The following NKAIN3 variants were observed in gnomAD, a reference collection of about 807,000 sequenced individuals.
The protein encoded by NKAIN3 is sodium/potassium-transporting ATPase subunit beta-1-interacting protein 3.
Under a neutral mutation model 30.2 loss-of-function variants are expected in NKAIN3, and 25 were observed. That is an observed-to-expected ratio of 0.83 (90% CI 0.60 to 1.16). The LOEUF is 1.16. Among genes scored for constraint, NKAIN3 ranks in the 50% most tolerant of loss-of-function variants. The pLI, the probability that NKAIN3 is intolerant of heterozygous loss-of-function variation, is 0.00. For synonymous variants in NKAIN3, 91 were observed against 89.6 expected, an observed-to-expected ratio of 1.02 and a Z score of -0.09; for missense variants, 225 against 254.1, an observed-to-expected ratio of 0.89 and a Z score of 0.78.
chr8:62,388,335 T>C (rs1409990498), intron 1 of NKAIN3, among the ~76,000 whole-genome samples: 1 of 152,248 alleles, frequency 6.6e-6, no homozygotes, highest in East Asian at 1.9e-4. Context: ...CTTGTCTTTG[T>C]TCATCTAAAA....
At chr8:62,491,159 C>T (rs1398810214) in intron 1 of NKAIN3, among the ~76,000 whole-genome samples, 3 of 152,146 alleles carry the variant, frequency 2.0e-5, no homozygotes, top group African/African-American at 7.2e-5. Flanking sequence ...ATCAAACTTC[C>T]CAAGTTGTGT....
chr8:62,408,101 G>C (rs1804130946), intron 1 of NKAIN3, among the ~76,000 whole-genome samples: 1 of 152,072 alleles, frequency 6.6e-6, no homozygotes, highest in African/African-American at 2.4e-5. Flanking sequence ...TTACCCATCT[G>C]CTTCATTTAT....
intron 1 of NKAIN3, among the ~76,000 whole-genome samples, chr8:62,510,793 CA>C (rs1366276658): frequency 6.6e-6 from 1 of 152,060 alleles, no homozygotes; most frequent in African/African-American, 2.4e-5. Flanking sequence ...TGGTAAATCC[CA>C]TGGTCAGCTT....
chr8:62,940,387 GA>G (rs1822918612), intron 5 of NKAIN3, among the ~76,000 whole-genome samples: 1 of 152,000 alleles, frequency 6.6e-6, no homozygotes, highest in Non-Finnish European at 1.5e-5. Flanking sequence ...AAGAAACAAT[GA>G]ACTTAAACTA....
intron 3 of NKAIN3, among the ~76,000 whole-genome samples, chr8:62,640,906 T>C (rs2130299013): frequency 6.6e-6 from 1 of 152,262 alleles, no homozygotes; most frequent in South Asian, 2.1e-4. Context: ...TATTCAGTCA[T>C]GTTTTTGTGT....
intron 1 of NKAIN3, among the ~76,000 whole-genome samples, chr8:62,287,955 G>A (rs1813434934): frequency 6.6e-6 from 1 of 152,146 alleles, no homozygotes; most frequent in Non-Finnish European, 1.5e-5. Flanking sequence ...GCACTTCCTA[G>A]TTTCCACGTG....
At chr8:62,472,263 AG>A (rs1806377893) in intron 1 of NKAIN3, among the ~76,000 whole-genome samples, 1 of 152,130 alleles carries the variant, frequency 6.6e-6, no homozygotes, top group Non-Finnish European at 1.5e-5. Flanking sequence ...AATCAGGAAT[AG>A]GCTACAAGGA....
chr8:62,907,021 T>A (rs1821796969), intron 4 of NKAIN3, among the ~76,000 whole-genome samples: 2 of 152,210 alleles, frequency 1.3e-5, no homozygotes, highest in South Asian at 4.1e-4. Context: ...CCTAGAGACT[T>A]ATTGAATAAC....
chr8:62,961,749 C>T (rs1345706406), intron 6 of NKAIN3, among the ~76,000 whole-genome samples: 1 of 152,026 alleles, frequency 6.6e-6, no homozygotes, highest in Non-Finnish European at 1.5e-5. Flanking sequence ...TCAGTACTAA[C>T]AGACTCACAT....
Position 62,311,675 on chromosome 8 carries a change from G to A in NKAIN3, c.54+62548G>A, listed in dbSNP as rs143215884. Among the ~76,000 whole-genome samples the A allele has an allele frequency of 1.6e-3, 248 of 150,480 alleles. 23 individuals are homozygous for A. Among genetic ancestry groups the A allele is most frequent in the African/African-American group, 5.9e-3 (236 of 39,904 alleles). ...CTTGGTGCCAATGAGCTTTTAAGCC[G>A]AGTGGTTTTCATCTCCACATGGACG... On this transcript the variant is annotated intron_variant, in intron 1 of 6. Coordinates refer to ENST00000623646, the MANE Select transcript of NKAIN3 (RefSeq NM_001304533.3).
rs58229566 is a variant in NKAIN3, at chr8:62,976,039, TCTGAGAGA to T, written c.*10636_*10643del. Among the ~76,000 whole-genome samples, 16,108 of 152,184 alleles carry T rather than the reference TCTGAGAGA, an allele frequency of 0.11. 863 individuals are homozygous for T. The highest frequency in any genetic ancestry group is 0.17 in the South Asian group (821 of 4,828). Reference sequence around the variant, plus strand: ...GAGTTCTAACTTGATTGCACTGTGGTCTGAGAGACTGTTTGTTATGGTTTTCATTCTTT... The same window carrying T: ...GAGTTCTAACTTGATTGCACTGTGGTCTGTTTGTTATGGTTTTCATTCTTT... On this transcript the variant is annotated 3_prime_UTR_variant, in exon 7 of 7. Transcript: ENST00000623646.
At chr8:62,418,647 A>G (rs915772834) in intron 1 of NKAIN3, among the ~76,000 whole-genome samples, 1 of 152,100 alleles carries the variant, frequency 6.6e-6, no homozygotes, top group Non-Finnish European at 1.5e-5. Context: ...AGAGTTGTCT[A>G]AAGTATTACA....
rs1824120438 is a variant in NKAIN3, at chr8:62,983,036, G to C, written c.*17629G>C. On this transcript the variant is annotated 3_prime_UTR_variant, in exon 7 of 7. Coordinates refer to ENST00000623646, the MANE Select transcript of NKAIN3 (RefSeq NM_001304533.3). Reference sequence around the variant, plus strand: ...AATACCCACAAGATACTACTGACTTGGAAGTTTCACTGCAGGTAGCTACCA... The same window carrying C: ...AATACCCACAAGATACTACTGACTTCGAAGTTTCACTGCAGGTAGCTACCA... The C allele has an allele frequency of 6.6e-6, 1 of 152,056 alleles. No individual in the cohort carries two copies. Among genetic ancestry groups the C allele is most frequent in the Non-Finnish European group, 1.5e-5 (1 of 68,016 alleles). The allele number at this position is 152,056 out of a possible 1,614,324, so 9.4% of individuals were successfully genotyped here.
At position 62,976,793 on chromosome 8, in the gene NKAIN3, T is replaced by G. The variant is rs1370864649; in HGVS notation, c.*11386T>G. Among the ~76,000 whole-genome samples the G allele has an allele frequency of 6.6e-6, 1 of 152,234 alleles. No homozygotes were observed. Among genetic ancestry groups the G allele is most frequent in the Non-Finnish European group, 1.5e-5 (1 of 68,040 alleles). On this transcript the variant is annotated 3_prime_UTR_variant, in exon 7 of 7. Transcript: ENST00000623646. ...TTCATAGTGTCGATGGTCTTTACAT[T>G]TTGGAATGTTTTTGCAGTGGCTGGT...
At chr8:62,296,813 T>C (rs1053040339) in intron 1 of NKAIN3, among the ~76,000 whole-genome samples, 8 of 152,300 alleles carry the variant, frequency 5.3e-5, no homozygotes, top group Non-Finnish European at 7.3e-5. Flanking sequence ...TTCTTCTTCA[T>C]TGGCCTCCCT....
chr8:62,528,237 G>A (rs1366102249), intron 1 of NKAIN3, among the ~76,000 whole-genome samples: 2 of 145,890 alleles, frequency 1.4e-5, no homozygotes, highest in African/African-American at 5.1e-5. Flanking sequence ...ACAAGAAGAG[G>A]GAGGGACAAA....
chr8:62,991,730 C>T (rs1824324069), intron 5 of NKAIN3, among the ~76,000 whole-genome samples: 1 of 152,136 alleles, frequency 6.6e-6, no homozygotes, highest in Non-Finnish European at 1.5e-5. Flanking sequence ...ACTAATGGTG[C>T]TTGATTCTGT....
At chr8:62,399,444 T>C (rs534086831) in intron 1 of NKAIN3, among the ~76,000 whole-genome samples, 8 of 152,104 alleles carry the variant, frequency 5.3e-5, no homozygotes, top group African/African-American at 1.9e-4. Flanking sequence ...AGGTGGAGGT[T>C]GCGTGAGCCA....
intron 1 of NKAIN3, among the ~76,000 whole-genome samples, chr8:62,343,034 ACATAT>A (rs1778014707): frequency 3.3e-5 from 5 of 152,100 alleles, no homozygotes; most frequent in Admixed American, 3.3e-4. Flanking sequence ...TCTAGCTATT[ACATAT>A]CATCTTTCCT....
Sources: gnomAD v4.1 joint callset for allele counts (sites outside exome capture counted in the v4.1 genomes callset) on GRCh38, gnomAD v4.1.1 for gene constraint, MANE v1.5 for transcripts, NCBI Gene and HGNC (gene_info 2026-07-23, HGNC 2026-07-21) for gene names.